The following ELMO3 variants were observed in gnomAD, a reference collection of about 807,000 sequenced individuals.
The protein encoded by ELMO3 is engulfment and cell motility protein 3.
Under a neutral mutation model 89.0 loss-of-function variants are expected in ELMO3, and 81 were observed. The ratio of observed to expected loss-of-function variants is 0.91; its 90% CI spans 0.76 to 1.09. The LOEUF is 1.09. ELMO3 is among the 50% of genes least tolerant of loss of function. ELMO3 has a pLI of 0.00. For synonymous variants in ELMO3, 406 were observed against 400.6 expected (o/e 1.01, Z -0.16); for missense variants, 959 against 972.8 (o/e 0.99, Z 0.19).
At position 67,199,278 on chromosome 16, in the gene ELMO3, C is replaced by T; in HGVS notation, c.-49C>T. ...CCCAGGCCAGGTGCACCCTTGGCCGCAGGTGCACGGTCTCCGGAAAGTGCA... is the reference window on the plus strand; with the variant it reads ...CCCAGGCCAGGTGCACCCTTGGCCGTAGGTGCACGGTCTCCGGAAAGTGCA... On this transcript the variant is annotated 5_prime_UTR_variant, in exon 1 of 20. Transcript: ENST00000393997. 1 of 1,612,346 alleles carries T rather than the reference C, an allele frequency of 6.2e-7. No individual in the cohort carries two copies. The highest frequency in any genetic ancestry group is 8.5e-7 in the Non-Finnish European group (1 of 1,179,770).
chr16:67,203,857 T>C lies in ELMO3; in HGVS notation c.2143T>C (p.Cys715Arg). The C allele has an allele frequency of 6.4e-7, 1 of 1,556,176 alleles. No individual in the cohort carries two copies. Among genetic ancestry groups the C allele is most frequent in the Non-Finnish European group, 8.7e-7 (1 of 1,146,622 alleles). ...CACCAACTTCAACTTCTGCTATGACTGCAGCATCGCTGAACCTTGACAGTG... is the reference window on the plus strand; with the variant it reads ...CACCAACTTCAACTTCTGCTATGACCGCAGCATCGCTGAACCTTGACAGTG... ...PPTNFNFCYD[C>R]SIAEP The change falls in exon 20 of 20, where the codon TGC becomes CGC. Residue 715 changes from cysteine to arginine, a missense_variant. By Grantham distance (180) the Cys-to-Arg change is radical. Transcript: ENST00000393997. The surrounding 1 kb of genome is among the most constrained non-coding windows in gnomAD (Gnocchi z 4.6).
rs1196373829 is a variant in ELMO3 at position 67,199,312 on chromosome 16, C to T, written c.-15C>T. On this transcript the variant is annotated 5_prime_UTR_variant, in exon 1 of 20. In the 5' UTR this introduces an upstream ATG that the reference lacks. Transcript: ENST00000393997. ...GGTCTCCGGAAAGTGCAGGCGCCCA[C>T]GTCCCAGCTGGACCATGGCGCCTCC... 3 of 1,612,426 alleles carry T rather than the reference C, an allele frequency of 1.9e-6. No individual in the cohort carries two copies. The highest frequency in any genetic ancestry group is 2.5e-6 in the Non-Finnish European group (3 of 1,179,890).
In ELMO3 at chr16:67,202,949, G is replaced by T; in HGVS notation, c.1620G>T (p.Leu540Phe). Residue 540 changes from leucine to phenylalanine, a missense_variant, in exon 16 of 20, where the codon TTG becomes TTT. Physicochemically the swap from Leu to Phe is conservative, Grantham distance 22. Transcript: ENST00000393997. ...ELMGLIRQQR[L>F]LRLCEGTLFR... ...TGGGCCTGATCCGCCAGCAGCGCTT[G>T]CTCCGCCTCTGTGAGGGGACGCTCT... 1 of 1,609,842 alleles carries T rather than the reference G, an allele frequency of 6.2e-7. No homozygotes were observed.
At position 67,201,856 on chromosome 16, in the gene ELMO3, C is replaced by T. The variant is rs767005065; in HGVS notation, c.1033C>T (p.Arg345Cys). The T allele has an allele frequency of 7.3e-5, 118 of 1,608,830 alleles. No individual in the cohort carries two copies. The highest frequency in any genetic ancestry group is 9.4e-5 in the Non-Finnish European group (111 of 1,178,462). The change falls in exon 11 of 20, where the codon CGC (arginine) becomes TGC (cysteine). Residue 345 changes from arginine (R) to cysteine (C), a missense_variant. Transcript: ENST00000393997. Reference protein sequence around the residue: ...RRRSLCAREFRKLGFSNSNPA... With the variant: ...RRRSLCAREFCKLGFSNSNPA... Reference sequence around the variant, plus strand: ...CCGTTCCCTCTGTGCCCGAGAGTTCCGCAAACTGGGCTTTTCTGTGAGTAT... The same window carrying T: ...CCGTTCCCTCTGTGCCCGAGAGTTCTGCAAACTGGGCTTTTCTGTGAGTAT...
At chr16:67,199,479 C>CCCCCCCCCCCCCCCCCCCCCCCA in intron 1 of ELMO3, 74 bp from the exon 2 acceptor site, 1 of 1,427,216 alleles carries the variant, frequency 7.0e-7, no homozygotes, top group Non-Finnish European at 9.7e-7. Flanking sequence ...CGGGGCAGCC[C>CCCCCCCCCCCCCCCCCCCCCCCA]GCCCCACCCC....
At chr16:67,200,420 T>A (rs1281709738) in intron 5 of ELMO3, 31 bp from the exon 6 acceptor site, 1 of 1,611,194 alleles carries the variant, frequency 6.2e-7, no homozygotes, top group Non-Finnish European at 8.5e-7. Context: ...CCTGGGGTGG[T>A]CCTGCTCAGC....
At chr16:67,199,924 C>T in intron 3 of ELMO3, 27 bp from the exon 4 acceptor site, 2 of 1,613,940 alleles carry the variant, frequency 1.2e-6, no homozygotes, top group Non-Finnish European at 1.7e-6. Context: ...TCCCTGACCT[C>T]GCTGCCTTTT....
At position 67,200,640 on chromosome 16, in the gene ELMO3, A is replaced by AC. The variant is rs1380090239; in HGVS notation, c.514-12dup. The AC allele has an allele frequency of 1.2e-6, 2 of 1,608,142 alleles. No homozygotes were observed. The highest frequency in any genetic ancestry group is 3.3e-5 in the Admixed American group (2 of 59,860). ...TCTTCCATGGGGGTGAGGTGGTGAC[A>AC]CCCCCGCCCCTTACAGGTGGTGTGC... On this transcript the variant is annotated splice_polypyrimidine_tract_variant and intron_variant, in intron 6 of 19. Coordinates refer to ENST00000393997, the MANE Select transcript of ELMO3 (RefSeq NM_024712.5).
At position 67,199,675 on chromosome 16, in the gene ELMO3, G is replaced by A; in HGVS notation, c.120-9G>A. ...CCCTGCCGGCCTCGCTGAGCCTCGTGCCCCTCAGGTGGAGCCTGACGCACT... is the reference window on the plus strand; with the variant it reads ...CCCTGCCGGCCTCGCTGAGCCTCGTACCCCTCAGGTGGAGCCTGACGCACT... On this transcript the variant is annotated splice_polypyrimidine_tract_variant and intron_variant, in intron 2 of 19. Transcript: ENST00000393997. 2 of 1,609,838 alleles carry A rather than the reference G, an allele frequency of 1.2e-6. No homozygotes were observed. Among genetic ancestry groups the A allele is most frequent in the Non-Finnish European group, 1.7e-6 (2 of 1,179,550 alleles).
chr16:67,203,570 C>G lies in ELMO3; in HGVS notation c.1937C>G (p.Pro646Arg). 1.2e-6 allele frequency: 2 copies of G among 1,614,108 alleles called. No individual in the cohort carries two copies. Among genetic ancestry groups the G allele is most frequent in the Admixed American group, 1.7e-5 (1 of 60,020 alleles). The change falls in exon 19 of 20, where the codon CCC becomes CGC. Residue 646 changes from proline (P) to arginine (R), a missense_variant. Transcript: ENST00000393997. The surrounding 1 kb of genome is among the most constrained non-coding windows in gnomAD (Gnocchi z 4.6). ...GAAGCGTACCTCAACTTCATTGCCCCCTCCAAGCGGGAGGTGAGTGTCCGC... is the reference window on the plus strand; with the variant it reads ...GAAGCGTACCTCAACTTCATTGCCCGCTCCAAGCGGGAGGTGAGTGTCCGC... ...EEEAYLNFIAPSKREFYLWTD... is the reference protein window; with the variant it reads ...EEEAYLNFIARSKREFYLWTD...
chr16:67,202,015 C>CG lies in ELMO3; in HGVS notation c.1091dup (p.Leu365SerfsTer49), dbSNP rs752857110. On this transcript the variant is annotated frameshift_variant, in exon 12 of 20. Coordinates refer to ENST00000393997, the MANE Select transcript of ELMO3 (RefSeq NM_024712.5). LOFTEE classifies it high-confidence loss of function. Reference sequence around the variant, plus strand: ...CACAGGACCTGGAGCGCGTGCCCCCCGGTCTGCTGGCCCTGGACAACATGT... The same window carrying CG: ...CACAGGACCTGGAGCGCGTGCCCCCCGGGTCTGCTGGCCCTGGACAACATGT... 4 of 1,570,806 alleles carry CG rather than the reference C, an allele frequency of 2.5e-6. No homozygotes were observed. In the South Asian group the frequency reaches 3.3e-5, roughly 13 times the overall value.
chr16:67,203,002 A>T lies in ELMO3; in HGVS notation c.1673A>T (p.Gln558Leu). Residue 558 changes from glutamine (Q) to leucine (L), a missense_variant and splice_region_variant, in exon 16 of 20, where the codon CAG becomes CTG. Gln to Leu is a moderately radical substitution (Grantham distance 113). Transcript: ENST00000393997. This position sits in a 1 kb window ranked among gnomAD's most constrained non-coding sequence, Gnocchi z 4.6. Reference sequence around the variant, plus strand: ...CGCAAGATCAGCAGCCGGCGGCGCCAGGGTCTCTGAATGGGCATGGGCAGG... The same window carrying T: ...CGCAAGATCAGCAGCCGGCGGCGCCTGGGTCTCTGAATGGGCATGGGCAGG... ...LFRKISSRRR[Q>L]DKLWFCCLSP... 6.2e-7 allele frequency: 1 copy of T among 1,605,274 alleles called. No homozygotes were observed.
Position 67,202,627 on chromosome 16 carries a change from G to C in ELMO3, c.1399G>C (p.Val467Leu). 6.2e-7 allele frequency: 1 copy of C among 1,613,374 alleles called. No individual in the cohort carries two copies. Among genetic ancestry groups the C allele is most frequent in the African/African-American group, 1.3e-5 (1 of 75,040 alleles). ...MRATQEDFDK[V>L]MQVVREQLAR... is the part of the protein sequence containing the mutation. ...CTGAGCTGAGCTTGGGCGGCCCCAG[G>C]TCATGCAGGTGGTGCGGGAGCAGCT... The change falls in exon 15 of 20, where the codon GTC becomes CTC. Residue 467 changes from valine (V) to leucine (L), a missense_variant and splice_region_variant. By Grantham distance (32) the Val-to-Leu change is conservative (BLOSUM62 1). Transcript: ENST00000393997.
Position 67,203,202 on chromosome 16 carries a change from C to A in ELMO3, c.1759C>A (p.Leu587Met). 6.2e-7 allele frequency: 1 copy of A among 1,610,036 alleles called. No individual in the cohort carries two copies. The highest frequency in any genetic ancestry group is 8.5e-7 in the Non-Finnish European group (1 of 1,179,668). ...GGAGGAGGGCGCCAGCCCGCCTACC[C>A]TGGAGAGTCTGCCCGAGCAACGTAA... The part of the protein sequence containing the change: ...DMEEGASPPT[L>M]ESLPEQLPVA... Residue 587 changes from leucine (L) to methionine (M), a missense_variant, in exon 17 of 20, where the codon CTG (leucine) becomes ATG (methionine). By Grantham distance (15) the Leu-to-Met change is conservative. Coordinates refer to ENST00000393997, the MANE Select transcript of ELMO3 (RefSeq NM_024712.5). The surrounding 1 kb of genome is among the most constrained non-coding windows in gnomAD (Gnocchi z 4.6).
At chr16:67,200,856 C>T in intron 7 of ELMO3, 34 bp from the exon 8 acceptor site, 3 of 1,613,678 alleles carry the variant, frequency 1.9e-6, no homozygotes, top group Non-Finnish European at 2.5e-6. Flanking sequence ...GGGCTGGAGC[C>T]TGAATGTTCC....
In ELMO3 at chr16:67,200,435, G is replaced by C. The variant is rs780343244; in HGVS notation, c.414-16G>C. On this transcript the variant is annotated splice_polypyrimidine_tract_variant and intron_variant, in intron 5 of 19. Coordinates refer to ENST00000393997, the MANE Select transcript of ELMO3 (RefSeq NM_024712.5). Reference sequence around the variant, plus strand: ...CCTGGGGTGGTCCTGCTCAGCCCCAGATGTCCCCCCTCCAGCCTAGGAGAG... The same window carrying C: ...CCTGGGGTGGTCCTGCTCAGCCCCACATGTCCCCCCTCCAGCCTAGGAGAG... 6.2e-7 allele frequency: 1 copy of C among 1,611,758 alleles called. No individual in the cohort carries two copies. The highest frequency in any genetic ancestry group is 1.1e-5 in the South Asian group (1 of 91,050).
In ELMO3 at chr16:67,199,648, C is replaced by A. The variant is rs764623984; in HGVS notation, c.120-36C>A. On this transcript the variant is annotated intron_variant, in intron 2 of 19. Transcript: ENST00000393997. Reference sequence around the variant, plus strand: ...GGGCGGGAGGGCAGGAGGGGCGGCGCCCCCTGCCGGCCTCGCTGAGCCTCG... The same window carrying A: ...GGGCGGGAGGGCAGGAGGGGCGGCGACCCCTGCCGGCCTCGCTGAGCCTCG... 19 of 1,607,982 alleles carry A rather than the reference C, an allele frequency of 1.2e-5. 1 individual carries two copies. In the South Asian group the frequency reaches 2.0e-4, roughly 17 times the overall value.
At chr16:67,199,626 C>A in intron 2 of ELMO3, 33 bp downstream of exon 2, 2 of 1,608,114 alleles carry the variant, frequency 1.2e-6, no homozygotes, top group Non-Finnish European at 1.7e-6. Flanking sequence ...CTGCGGAGGG[C>A]GGGAGGGCAG....
Position 67,202,667 on chromosome 16 carries a change from C to T in ELMO3, c.1439C>T (p.Ala480Val). The T allele has an allele frequency of 6.2e-7, 1 of 1,613,608 alleles. No homozygotes were observed. Among genetic ancestry groups the T allele is most frequent in the Non-Finnish European group, 8.5e-7 (1 of 1,179,976 alleles). ...CGGGAGCAGCTGGCCCGCACTCTGGCCCTGAAGCCCACTTCCCTGGAGCTC... is the reference window on the plus strand; with the variant it reads ...CGGGAGCAGCTGGCCCGCACTCTGGTCCTGAAGCCCACTTCCCTGGAGCTC... ...VVREQLARTLALKPTSLELFR... is the reference protein window; with the variant it reads ...VVREQLARTLVLKPTSLELFR... The change falls in exon 15 of 20, where the codon GCC becomes GTC. Residue 480 changes from alanine (A) to valine (V), a missense_variant. Ala to Val is a moderately conservative substitution (Grantham distance 64). Transcript: ENST00000393997.
Sources: gnomAD v4.1 joint callset for allele counts on GRCh38, gnomAD v4.1.1 for gene constraint, Gnocchi (gnomAD v3.1) non-coding constraint, MANE v1.5 for transcripts, NCBI Gene and HGNC (gene_info 2026-07-23, HGNC 2026-07-21) for gene names.